The following GPC4 variants were observed in gnomAD, a reference collection of about 807,000 sequenced individuals.
GPC4 encodes the protein glypican 4.
Under a neutral mutation model 35.0 loss-of-function variants are expected in GPC4, and 10 were observed. That is an observed-to-expected ratio of 0.29 (90% CI 0.18 to 0.48). GPC4 has a LOEUF of 0.48. Among genes scored for constraint, GPC4 ranks in the 20% least tolerant of loss-of-function variants. The probability of loss-of-function intolerance (pLI) is 0.99; values close to 1 mark genes in which losing one functional copy is unlikely to be tolerated. For synonymous variants in GPC4, 167 were observed against 170.2 expected (o/e 0.98, Z 0.15); for missense variants, 322 against 451.3 (o/e 0.71, Z 2.60).
intron 1 of GPC4, among the ~76,000 whole-genome samples, chrX:133,365,826 T>C (rs1463964560): frequency 1.8e-5 from 2 of 112,536 alleles, no homozygotes; most frequent in African/African-American, 6.5e-5. Context: ...ATATGCACTA[T>C]TTTCTGCATT....
chrX:133,324,664 A>G (rs775525972), intron 2 of GPC4, 128 bp from the exon 3 acceptor site: 1 of 623,616 alleles, frequency 1.6e-6, no homozygotes, highest in Non-Finnish European at 2.3e-6. Context: ...ACGTGTTTGT[A>G]TATAGGGTGA....
chrX:133,365,685 C>T (rs2068586725), intron 1 of GPC4, among the ~76,000 whole-genome samples: 1 of 112,110 alleles, frequency 8.9e-6, no homozygotes, highest in Non-Finnish European at 1.9e-5. Context: ...TGCTTCAGAA[C>T]ACTAACATCT....
At chrX:133,322,438 CAAAAA>C (rs756230456) in intron 3 of GPC4, among the ~76,000 whole-genome samples, 2 of 57,413 alleles carry the variant, frequency 3.5e-5, no homozygotes, top group South Asian at 1.7e-3. Context: ...AGCGAGATTC[CAAAAA>C]AAAAAAAAAA....
intron 1 of GPC4, among the ~76,000 whole-genome samples, chrX:133,379,651 A>G (rs2068652101): frequency 8.9e-6 from 1 of 111,902 alleles, no homozygotes; most frequent in South Asian, 3.7e-4. Context: ...GATCCTGTGC[A>G]AGTGACTTAG....
chrX:133,410,006 A>G (rs1603101944), intron 1 of GPC4, among the ~76,000 whole-genome samples: 2 of 80,007 alleles, frequency 2.5e-5, no homozygotes, highest in East Asian at 8.1e-4. Context: ...CCCCTCCCTC[A>G]GAAACCCTCA....
Position 133,339,283 on chromosome X carries a change from C to G in GPC4, c.219G>C (p.Glu73Asp), listed in dbSNP as rs762893021. The stretch of plus-strand genomic sequence containing the variant: ...CATCTTTACTTTGCAGGCTGTACTT[C>G]TCCTCCATCTCTTGAGAGCAGCAGG... ...GSTCCSQEME[E>D]KYSLQSKDDF... Residue 73 changes from glutamate (E) to aspartate (D), a missense_variant, in exon 2 of 9, where the codon GAG becomes GAC. Transcript: ENST00000370828. 1.2e-5 allele frequency: 14 copies of G among 1,209,208 alleles called. 1 individual carries two copies. In the South Asian group the frequency reaches 2.5e-4, roughly 21 times the overall value.
chrX:133,345,981 G>A (rs889799333), intron 1 of GPC4, among the ~76,000 whole-genome samples: 1 of 111,615 alleles, frequency 9.0e-6, no homozygotes, highest in Non-Finnish European at 1.9e-5. Context: ...TGGCTCATGG[G>A]CCCCAGTTAC....
At chrX:133,333,837 T>G (rs956312680) in intron 2 of GPC4, among the ~76,000 whole-genome samples, 2 of 112,546 alleles carry the variant, frequency 1.8e-5, no homozygotes, top group African/African-American at 3.2e-5. Context: ...AATGTCTTAA[T>G]GAAATGTGAG....
intron 1 of GPC4, among the ~76,000 whole-genome samples, chrX:133,339,966 T>C (rs1158995997): frequency 1.8e-5 from 2 of 111,718 alleles, no homozygotes; most frequent in Non-Finnish European, 3.8e-5. Context: ...TTTTATCCAA[T>C]GTATTCTGTG....
At chrX:133,344,663 C>T (rs936145529) in intron 1 of GPC4, among the ~76,000 whole-genome samples, 18 of 111,438 alleles carry the variant, frequency 1.6e-4, no homozygotes, top group Non-Finnish European at 2.6e-4. Context: ...AGAGGAATAC[C>T]GGTAGTTACC....
rs370833731 is a variant in GPC4 at position 133,324,336 on chromosome X, G to A, written c.520C>T (p.Arg174Cys). The A allele has an allele frequency of 2.5e-4, 297 of 1,209,255 alleles. No individual in the cohort carries two copies. In the South Asian group the frequency reaches 4.4e-3, roughly 18 times the overall value. The stretch of plus-strand genomic sequence containing the variant: ...AAGTGGTACTGGGAGTTCACCAGGC[G>A]GAACATCCGCTCCAGGAGGCGAGCC... ...FWARLLERMF[R>C]LVNSQYHFTD... The change falls in exon 3 of 9, where the codon CGC becomes TGC. Residue 174 changes from arginine (R) to cysteine (C), a missense_variant. This residue lies in a region of GPC4 where 163 missense variants were observed against 277.2 expected (regional missense o/e 0.59). Transcript: ENST00000370828.
chrX:133,412,418 AT>A (rs1026656496), intron 1 of GPC4, among the ~76,000 whole-genome samples: 1 of 111,647 alleles, frequency 9.0e-6, no homozygotes, highest in African/African-American at 3.3e-5. Context: ...TCAGTCATGC[AT>A]TTTTGTTATT....
chrX:133,363,545 C>T (rs1005664369), intron 1 of GPC4, among the ~76,000 whole-genome samples: 16 of 111,474 alleles, frequency 1.4e-4, no homozygotes, highest in Admixed American at 8.6e-4. Flanking sequence ...TTTTCCCCAA[C>T]CCTCATCAGC....
At chrX:133,311,067 A>AG (rs2068312299) in intron 4 of GPC4, among the ~76,000 whole-genome samples, 191 bp downstream of exon 4, 1 of 112,432 alleles carries the variant, frequency 8.9e-6, no homozygotes, top group South Asian at 3.7e-4. Context: ...TGCCACCATT[A>AG]GTTTGAGGGA....
chrX:133,318,247 G>A (rs934253289), intron 3 of GPC4, among the ~76,000 whole-genome samples: 40 of 112,095 alleles, frequency 3.6e-4, no homozygotes, highest in African/African-American at 1.3e-3. Flanking sequence ...TCTACACTTT[G>A]CTTCTTAAAA....
Position 133,302,418 on chromosome X carries a change from T to A in GPC4, c.*449A>T, listed in dbSNP as rs1409773105. ...GGCTTTTTCTTTTAATAAGATAACA[T>A]GATAAATAAAACCTGCTTCTGTACA... On this transcript the variant is annotated 3_prime_UTR_variant, in exon 9 of 9. Transcript: ENST00000370828. 8.8e-6 allele frequency: 1 copy of A among 113,491 alleles called. No individual in the cohort carries two copies. 9.4% of individuals were successfully genotyped at this position (113,491 alleles called of 1,213,427 possible).
At chrX:133,387,366 T>C (rs2068696355) in intron 1 of GPC4, among the ~76,000 whole-genome samples, 1 of 110,982 alleles carries the variant, frequency 9.0e-6, no homozygotes, top group Non-Finnish European at 1.9e-5. Flanking sequence ...TTATTTATAG[T>C]TGTCTGCCAG....
At chrX:133,320,864 A>G (rs1379001139) in intron 3 of GPC4, among the ~76,000 whole-genome samples, 1 of 108,396 alleles carries the variant, frequency 9.2e-6, no homozygotes. Flanking sequence ...ACAACCAACC[A>G]ACAACAACAA....
At chrX:133,323,405 C>G (rs1228401105) in intron 3 of GPC4, among the ~76,000 whole-genome samples, 1 of 111,575 alleles carries the variant, frequency 9.0e-6, no homozygotes, top group Non-Finnish European at 1.9e-5. Flanking sequence ...GCTTGAGCCC[C>G]GGAGGTGGAG....
Sources: allele counts gnomAD v4.1 joint callset (sites outside exome capture counted in the v4.1 genomes callset), GRCh38; gene constraint gnomAD v4.1.1; regional missense constraint gnomAD v4.1.1; transcripts MANE v1.5; gene names NCBI Gene and HGNC (gene_info 2026-07-23, HGNC 2026-07-21).